The following BCAT1 variants were observed in gnomAD, a reference collection of about 807,000 sequenced individuals.
BCAT1 encodes branched chain amino acid transaminase 1.
In BCAT1, 48 loss-of-function variants were observed where a neutral mutation model predicts 52.4. The observed-to-expected ratio is 0.92, with a 90% CI of 0.73 to 1.16. BCAT1 has a LOEUF of 1.16. BCAT1 is among the 50% of genes most tolerant of loss of function. The pLI is 0.00. For synonymous variants in BCAT1, 167 were observed against 161.3 expected (o/e 1.04, Z -0.27); for missense variants, 451 against 457.1 (o/e 0.99, Z 0.12).
intron 5 of BCAT1, among the ~76,000 whole-genome samples, chr12:24,868,563 T>C (rs549738897): frequency 5.3e-5 from 8 of 152,298 alleles, no homozygotes; most frequent in African/African-American, 1.9e-4. Context: ...ACTCAATAAA[T>C]GGTGATGGGA....
intron 5 of BCAT1, among the ~76,000 whole-genome samples, chr12:24,863,947 C>T (rs1159909962): frequency 6.6e-6 from 1 of 151,856 alleles, no homozygotes; most frequent in African/African-American, 2.4e-5. Flanking sequence ...AAAAAAGAAG[C>T]CATGCTTTTA....
chr12:24,856,587 G>A (rs919350386), intron 5 of BCAT1, among the ~76,000 whole-genome samples: 1 of 152,192 alleles, frequency 6.6e-6, no homozygotes, highest in Admixed American at 6.5e-5. Flanking sequence ...GGCCCAGAGA[G>A]GACATAGGGA....
intron 6 of BCAT1, among the ~76,000 whole-genome samples, chr12:24,842,569 T>C (rs1199303133): frequency 6.6e-6 from 1 of 152,210 alleles, no homozygotes; most frequent in Non-Finnish European, 1.5e-5. Flanking sequence ...AATTATTTCA[T>C]TTAAATCTCA....
Position 24,813,623 on chromosome 12 carries a change from G to A in BCAT1, c.*4385C>T, listed in dbSNP as rs1939767704. 1 of 151,998 alleles carries A rather than the reference G, an allele frequency of 6.6e-6. No individual in the cohort carries two copies. 9.4% of individuals were successfully genotyped at this position (151,998 alleles called of 1,614,324 possible). A position where few individuals can be genotyped will look rare whatever the true frequency, so the allele number is the denominator to read the frequency against. ...AGTCAACACATGTACTAGGTTGGTA[G>A]TAAATAGTAAAGAAAGAGAAGGTAA... On this transcript the variant is annotated 3_prime_UTR_variant, in exon 11 of 11. Coordinates refer to ENST00000261192, the MANE Select transcript of BCAT1 (RefSeq NM_005504.7).
At chr12:24,945,055 T>C (rs918474462) in intron 1 of BCAT1, among the ~76,000 whole-genome samples, 1 of 152,212 alleles carries the variant, frequency 6.6e-6, no homozygotes, top group African/African-American at 2.4e-5. Context: ...TAATCTAATT[T>C]CCAAGCTATT....
At chr12:24,848,030 G>A (rs978820561) in intron 6 of BCAT1, among the ~76,000 whole-genome samples, 2 of 152,140 alleles carry the variant, frequency 1.3e-5, no homozygotes, top group Admixed American at 6.5e-5. Flanking sequence ...GAACTTTTTG[G>A]AAGTGATAGG....
intron 5 of BCAT1, among the ~76,000 whole-genome samples, chr12:24,877,528 T>C (rs958343742): frequency 1.3e-5 from 2 of 152,214 alleles, no homozygotes; most frequent in African/African-American, 4.8e-5. Context: ...TAAGGTCATG[T>C]TATTTAAACC....
chr12:24,854,269 A>G (rs766867398), intron 5 of BCAT1, among the ~76,000 whole-genome samples: 1 of 152,276 alleles, frequency 6.6e-6, no homozygotes. Flanking sequence ...CCTAGAAGCC[A>G]GAGAGGCACA....
chr12:24,884,403 GT>G (rs1942596781), intron 3 of BCAT1, among the ~76,000 whole-genome samples: 2 of 152,148 alleles, frequency 1.3e-5, no homozygotes, highest in South Asian at 4.1e-4. Flanking sequence ...GGAGGAATAA[GT>G]TTTTGAGACC....
intron 1 of BCAT1, among the ~76,000 whole-genome samples, chr12:24,937,947 A>T (rs1943789431): frequency 6.6e-6 from 1 of 152,208 alleles, no homozygotes; most frequent in South Asian, 2.1e-4. Context: ...CCATAGGGGT[A>T]GCTGGCATAT....
chr12:24,836,010 TG>T (rs1186102224), intron 8 of BCAT1, among the ~76,000 whole-genome samples: 13 of 152,166 alleles, frequency 8.5e-5, no homozygotes, highest in South Asian at 2.1e-4. Context: ...TTTTGGAGGA[TG>T]GGGGTAGGAC....
At chr12:24,861,034 A>G (rs1271411511) in intron 5 of BCAT1, among the ~76,000 whole-genome samples, 1 of 152,258 alleles carries the variant, frequency 6.6e-6, no homozygotes, top group East Asian at 1.9e-4. Context: ...TGTGCAAACA[A>G]ATCAGTCCTA....
At chr12:24,919,632 A>G (rs1276177511) in intron 1 of BCAT1, among the ~76,000 whole-genome samples, 1 of 152,240 alleles carries the variant, frequency 6.6e-6, no homozygotes, top group Non-Finnish European at 1.5e-5. Flanking sequence ...ATACCAGTAA[A>G]TCACATAGAC....
intron 1 of BCAT1, among the ~76,000 whole-genome samples, chr12:24,947,360 C>T (rs1171869254): frequency 3.3e-5 from 5 of 152,190 alleles, no homozygotes; most frequent in African/African-American, 4.8e-5. Context: ...GCCCATTCTG[C>T]ATGTGTCTGT....
intron 1 of BCAT1, among the ~76,000 whole-genome samples, chr12:24,941,078 G>A (rs1176756502): frequency 6.6e-6 from 1 of 152,224 alleles, no homozygotes; most frequent in East Asian, 1.9e-4. Flanking sequence ...ACCATTCCAA[G>A]GATGTTTCCC....
rs71448094 is a variant in BCAT1, at chr12:24,898,520, C to CTTTTTTTTTTTTTTTTTTTTTTT, written c.78+3271_78+3293dup. On this transcript the variant is annotated intron_variant, in intron 2 of 10. Transcript: ENST00000261192. ...TGTTTCAGCCAGGGTTCAGTCAACACTTTTTTTTTTTTTTTTTTTTTTTTT... is the reference window on the plus strand; with the variant it reads ...TGTTTCAGCCAGGGTTCAGTCAACACTTTTTTTTTTTTTTTTTTTTTTTTTTTTTTTTTTTTTTTTTTTTTTTT... Among the ~76,000 whole-genome samples, 9 of 38,528 alleles carry CTTTTTTTTTTTTTTTTTTTTTTT rather than the reference C, an allele frequency of 2.3e-4. 2 individuals carry two copies. The highest frequency in any genetic ancestry group is 2.3e-3 in the East Asian group (2 of 866). The allele number at this position is 38,528 out of a possible 152,430, so 25.3% of individuals were successfully genotyped here.
intron 10 of BCAT1, among the ~76,000 whole-genome samples, chr12:24,824,272 C>CCTTCCT (rs1477491998): frequency 0.26 from 31,981 of 124,330 alleles, 5,624 homozygotes; most frequent in East Asian, 0.52. Flanking sequence ...CCTTCATTCC[C>CCTTCCT]TCCCTCCCTC....
intron 1 of BCAT1, among the ~76,000 whole-genome samples, chr12:24,906,837 A>G (rs954632322): frequency 2.6e-5 from 4 of 152,128 alleles, no homozygotes; most frequent in African/African-American, 7.2e-5. Flanking sequence ...GACAGTTGCC[A>G]TTTCTCCAAC....
At chr12:24,847,142 T>C (rs1021874311) in intron 6 of BCAT1, among the ~76,000 whole-genome samples, 3 of 152,224 alleles carry the variant, frequency 2.0e-5, no homozygotes, top group African/African-American at 4.8e-5. Flanking sequence ...ATGAGGAAAC[T>C]GATACATAGA....
Sources: gnomAD v4.1 joint callset for allele counts (sites outside exome capture counted in the v4.1 genomes callset) on GRCh38, gnomAD v4.1.1 for gene constraint, MANE v1.5 for transcripts, NCBI Gene and HGNC (gene_info 2026-07-23, HGNC 2026-07-21) for gene names.